SLC12A7: variants seen among roughly 807,000 people sequenced by gnomAD.
SLC12A7 encodes K-Cl cotransporter 4.
SLC12A7 carries 100 observed loss-of-function variants against 120.6 expected under a neutral mutation model. The ratio of observed to expected loss-of-function variants is 0.83; its 90% confidence interval spans 0.71 to 0.98. The LOEUF is 0.98. Ranked by LOEUF, SLC12A7 falls within the 50% of genes least tolerant of loss-of-function variation. The probability of loss-of-function intolerance (pLI) is 0.00; values close to 1 mark genes in which losing one functional copy is unlikely to be tolerated. For synonymous variants in SLC12A7, 760 were observed against 678.0 expected (o/e 1.12, Z -1.88); for missense variants, 1,373 against 1,548.1 (o/e 0.89, Z 1.90).
the SLC12A7 span, among the ~76,000 whole-genome samples, chr5:1,123,866 C>T: frequency 1.6e-4 from 25 of 152,354 alleles, no homozygotes; most frequent in African/African-American, 6.0e-4. Flanking sequence ...GAAGAGGAAA[C>T]ATGTTTGAGT....
At chr5:1,076,883 A>C in intron 12 of SLC12A7, 71 bp from the exon 13 acceptor site, 1 of 1,064,560 alleles carries the variant, frequency 9.4e-7, no homozygotes, top group Non-Finnish European at 1.4e-6. Context: ...CAGGCTGGTC[A>C]GGTCTAGCCC....
intron 8 of SLC12A7, 138 bp downstream of exon 8, chr5:1,083,607 G>T (rs1268707022): frequency 1.1e-5 from 9 of 852,178 alleles, no homozygotes; most frequent in Non-Finnish European, 1.7e-5. Flanking sequence ...AGGCTCATCA[G>T]CAGCAGCTGG....
At chr5:1,117,598 TGC>T in the SLC12A7 span, among the ~76,000 whole-genome samples, 1 of 152,214 alleles carries the variant, frequency 6.6e-6, no homozygotes, top group Non-Finnish European at 1.5e-5. The surrounding 1 kb of genome is among the most constrained non-coding windows in gnomAD (Gnocchi z 4.5). Flanking sequence ...GGATCCTTGT[TGC>T]GCTAGATGGA....
intron 8 of SLC12A7, 45 bp from the exon 9 acceptor site, chr5:1,081,789 C>T (rs760257958): frequency 3.2e-6 from 5 of 1,577,584 alleles, no homozygotes; most frequent in Non-Finnish European, 4.3e-6. Context: ...ACCTTCTGTG[C>T]AGTGCCCCCG....
chr5:1,059,893 C>T (rs568213270), intron 21 of SLC12A7, among the ~76,000 whole-genome samples: 6 of 152,272 alleles, frequency 3.9e-5, no homozygotes, highest in African/African-American at 9.6e-5. Flanking sequence ...CTGAGGGGCT[C>T]CACGGTTTCA....
At chr5:1,059,781 T>G (rs1175563465) in intron 21 of SLC12A7, among the ~76,000 whole-genome samples, 1 of 140,442 alleles carries the variant, frequency 7.1e-6, no homozygotes, top group Non-Finnish European at 1.6e-5. Flanking sequence ...GTGGGGGGGT[T>G]GGCAACTCCC....
chr5:1,084,589 G>A (rs1471101290), intron 7 of SLC12A7, among the ~76,000 whole-genome samples: 1 of 152,222 alleles, frequency 6.6e-6, no homozygotes, highest in Non-Finnish European at 1.5e-5. Flanking sequence ...GTCTCAGGAC[G>A]GGTCCCCGAG....
intron 16 of SLC12A7, 94 bp from the exon 17 acceptor site, chr5:1,073,895 A>G: frequency 1.7e-6 from 2 of 1,207,946 alleles, no homozygotes; most frequent in Non-Finnish European, 2.1e-6. Context: ...GGGGCACACG[A>G]CACAGGTGGG....
At chr5:1,093,257 C>T (rs964624688) in intron 3 of SLC12A7, among the ~76,000 whole-genome samples, 13 of 152,180 alleles carry the variant, frequency 8.5e-5, no homozygotes, top group African/African-American at 2.4e-4. Context: ...TCCCGCAGAA[C>T]GAACAAAACA....
upstream of SLC12A7, among the ~76,000 whole-genome samples, chr5:1,116,646 G>C (rs1743336650): frequency 6.6e-6 from 1 of 152,238 alleles, no homozygotes; most frequent in African/African-American, 2.4e-5. Flanking sequence ...GGAGGCTCCA[G>C]GATTTTTAGA....
At chr5:1,126,587 G>T in the SLC12A7 span, among the ~76,000 whole-genome samples, 1 of 152,010 alleles carries the variant, frequency 6.6e-6, no homozygotes, top group Non-Finnish European at 1.5e-5. Context: ...CATTACTCAG[G>T]TATTAAACCT....
At chr5:1,135,379 T>C in the SLC12A7 span, among the ~76,000 whole-genome samples, 1 of 128,488 alleles carries the variant, frequency 7.8e-6, no homozygotes, top group Admixed American at 8.1e-5. Context: ...CTTGGACAAA[T>C]GCCTCAACAC....
At chr5:1,107,865 G>C (rs1375352847) in intron 1 of SLC12A7, among the ~76,000 whole-genome samples, 2 of 152,178 alleles carry the variant, frequency 1.3e-5, no homozygotes, top group African/African-American at 4.8e-5. Flanking sequence ...AGCAGGTTCA[G>C]ACCTGAACAC....
At chr5:1,082,633 C>G in intron 8 of SLC12A7, among the ~76,000 whole-genome samples, 1 of 140,838 alleles carries the variant, frequency 7.1e-6, no homozygotes, top group East Asian at 2.2e-4. Flanking sequence ...TCTGGAAAGT[C>G]CGGGCTTCCC....
intron 16 of SLC12A7, among the ~76,000 whole-genome samples, chr5:1,074,011 C>A (rs1738031065): frequency 6.6e-6 from 1 of 152,174 alleles, no homozygotes; most frequent in Non-Finnish European, 1.5e-5. Flanking sequence ...ACAGGTGAGA[C>A]AGGCCACAGA....
chr5:1,069,604 C>G (rs193174714), intron 17 of SLC12A7, among the ~76,000 whole-genome samples: 31 of 152,178 alleles, frequency 2.0e-4, no homozygotes, highest in African/African-American at 7.0e-4. Context: ...GGAGGAGGCT[C>G]GAGGCGCCCA....
At chr5:1,100,993 C>T (rs12517833) in intron 1 of SLC12A7, among the ~76,000 whole-genome samples, 2,496 of 152,264 alleles carry the variant, frequency 0.016, 34 homozygotes, top group Middle Eastern at 0.027. Flanking sequence ...AGCTGAGCCC[C>T]GCACCCATGG....
At chr5:1,056,680 G>C (rs1423951384) in intron 22 of SLC12A7, 4 of 690,594 alleles carry the variant, frequency 5.8e-6, no homozygotes, top group Non-Finnish European at 3.6e-6. Context: ...CTGCCCAGGA[G>C]GACGCCGCCT....
chr5:1,100,228 G>A (rs940905672), intron 1 of SLC12A7, among the ~76,000 whole-genome samples: 5 of 152,214 alleles, frequency 3.3e-5, no homozygotes, highest in Non-Finnish European at 5.9e-5. Flanking sequence ...GCACCGGGAC[G>A]GCAGGGGCTG....
Sources: allele counts gnomAD v4.1 joint callset (sites outside exome capture counted in the v4.1 genomes callset), GRCh38; gene constraint gnomAD v4.1.1; non-coding constraint Gnocchi (gnomAD v3.1); transcripts MANE v1.5; gene names NCBI Gene and HGNC (gene_info 2026-07-23, HGNC 2026-07-21).